GRIK2: variants seen among roughly 807,000 people sequenced by gnomAD.
The protein encoded by GRIK2 is glutamate receptor ionotropic, kainate 2.
In GRIK2, 32 loss-of-function variants were observed where a neutral mutation model predicts 100.3. The ratio of observed to expected loss-of-function variants is 0.32; its 90% CI spans 0.24 to 0.43. GRIK2 has a LOEUF of 0.43. Among genes scored for constraint, GRIK2 ranks in the 20% least tolerant of loss-of-function variants. GRIK2 has a pLI of 1.00. For missense variants in GRIK2, 843 were observed against 1,114.9 expected (o/e 0.76, Z 3.47); for synonymous variants, 417 against 389.4 (o/e 1.07, Z -0.83).
At chr6:101,978,449 T>C (rs1793528923) in intron 14 of GRIK2, among the ~76,000 whole-genome samples, 1 of 151,998 alleles carries the variant, frequency 6.6e-6, no homozygotes, top group Non-Finnish European at 1.5e-5. Flanking sequence ...TGTCAGGCAG[T>C]AACCTCATCA....
At chr6:101,791,820 C>A (rs1445606490) in intron 7 of GRIK2, among the ~76,000 whole-genome samples, 1 of 151,546 alleles carries the variant, frequency 6.6e-6, no homozygotes, top group Non-Finnish European at 1.5e-5. Context: ...TAAAGTCTCC[C>A]ATTATTATTG....
At chr6:101,764,249 T>C (rs78129943) in intron 7 of GRIK2, among the ~76,000 whole-genome samples, 2,655 of 152,272 alleles carry the variant, frequency 0.017, 80 homozygotes, top group African/African-American at 0.061. Context: ...CCCAGGTCCA[T>C]ACCTCTCCTT....
intron 5 of GRIK2, among the ~76,000 whole-genome samples, chr6:101,677,728 C>G (rs1770943663): frequency 6.6e-6 from 1 of 152,044 alleles, no homozygotes; most frequent in Non-Finnish European, 1.5e-5. Flanking sequence ...ATTTAGAAAC[C>G]TCTCATGTAT....
At chr6:101,412,984 A>G (rs1325416361) in intron 2 of GRIK2, among the ~76,000 whole-genome samples, 1 of 152,050 alleles carries the variant, frequency 6.6e-6, no homozygotes, top group African/African-American at 2.4e-5. Flanking sequence ...GGTTTTCCCA[A>G]GGTTCTTTGA....
In GRIK2 at chr6:101,931,719, G is replaced by A. The variant is rs1185566751; in HGVS notation, c.2085+3087G>A. Among the ~76,000 whole-genome samples, 6 of 152,138 alleles carry A rather than the reference G, an allele frequency of 3.9e-5. No homozygotes were observed. The East Asian group carries it at 5.8e-4, about 15-fold the overall frequency. ...GACTCTCCTCAGAGATAAATGTAAA[G>A]CCATGACTGGAAAAAATAATTCAAA... On this transcript the variant is annotated intron_variant, in intron 14 of 16. Coordinates refer to ENST00000369134, the MANE Select transcript of GRIK2 (RefSeq NM_021956.5).
intron 2 of GRIK2, among the ~76,000 whole-genome samples, chr6:101,508,951 C>G (rs1046383310): frequency 6.6e-6 from 1 of 151,806 alleles, no homozygotes; most frequent in Non-Finnish European, 1.5e-5. Context: ...GGCAGGAGAT[C>G]GAGACCATCC....
chr6:101,676,921 T>G (rs1770882958), intron 5 of GRIK2, 117 bp downstream of exon 5: 1 of 586,856 alleles, frequency 1.7e-6, no homozygotes. Flanking sequence ...CTTGATGTAA[T>G]TTTATGATAG....
rs1216238335 is a variant in GRIK2, at chr6:101,965,074, G to A, written c.2085+36442G>A. The stretch of plus-strand genomic sequence containing the variant: ...CCTCTGGATTGAGGCATTTGGGTGT[G>A]GTGTAGAACTGGAAACTGAGTCAAG... On this transcript the variant is annotated intron_variant, in intron 14 of 16. Transcript: ENST00000369134. Among the ~76,000 whole-genome samples, 4 of 152,014 alleles carry A rather than the reference G, an allele frequency of 2.6e-5. No homozygotes were observed. In the South Asian group the frequency reaches 8.3e-4, roughly 32 times the overall value.
chr6:101,612,915 G>A (rs559052822), intron 2 of GRIK2, among the ~76,000 whole-genome samples: 1 of 151,600 alleles, frequency 6.6e-6, no homozygotes, highest in Non-Finnish European at 1.5e-5. Context: ...GGTTGGAAAG[G>A]AAGGTAGAAG....
At chr6:101,837,490 A>G (rs1783206407) in intron 10 of GRIK2, among the ~76,000 whole-genome samples, 1 of 152,174 alleles carries the variant, frequency 6.6e-6, no homozygotes, top group Non-Finnish European at 1.5e-5. Context: ...TATATACCAA[A>G]CATTGTTTCA....
At chr6:101,987,246 A>G (rs972375020) in intron 14 of GRIK2, among the ~76,000 whole-genome samples, 2 of 151,822 alleles carry the variant, frequency 1.3e-5, no homozygotes, top group Admixed American at 6.6e-5. Flanking sequence ...TTTGGGAACA[A>G]TTTTTTGTGT....
rs138471868 is a variant in GRIK2 at position 101,626,254 on chromosome 6, T to C, written c.284-126T>C. 7.1e-4 allele frequency: 606 copies of C among 848,300 alleles called. 4 individuals are homozygous for C. In the African/African-American group the frequency reaches 9.2e-3, roughly 13 times the overall value. 52.5% of individuals were successfully genotyped at this position (848,300 alleles called of 1,614,324 possible). On this transcript the variant is annotated intron_variant, in intron 3 of 16. Transcript: ENST00000369134. The stretch of plus-strand genomic sequence containing the variant: ...ATTTTAAATTAGTGAAAAGTAGATA[T>C]ATATTTTTTAAAAACACAAATCTTT...
intron 2 of GRIK2, among the ~76,000 whole-genome samples, chr6:101,435,509 T>A (rs1002695761): frequency 1.3e-5 from 2 of 152,020 alleles, no homozygotes; most frequent in Admixed American, 1.3e-4. Context: ...TTTTTCATTG[T>A]GGTCCAGAAG....
chr6:101,684,153 C>A (rs1012156100), intron 6 of GRIK2, among the ~76,000 whole-genome samples: 9 of 152,150 alleles, frequency 5.9e-5, no homozygotes, highest in African/African-American at 2.2e-4. Context: ...TAGCAGACAA[C>A]TTTTTGCAGC....
chr6:101,985,420 C>A (rs1158854680), intron 14 of GRIK2, among the ~76,000 whole-genome samples: 1 of 151,562 alleles, frequency 6.6e-6, no homozygotes, highest in African/African-American at 2.4e-5. Flanking sequence ...TCTTATCTTC[C>A]CTGGTGACAT....
At position 101,963,278 on chromosome 6, in the gene GRIK2, ATTTTTTTTTTTTTTTTTTTTT is replaced by A. The variant is rs3029099; in HGVS notation, c.2085+34663_2085+34683del. Among the ~76,000 whole-genome samples the A allele has an allele frequency of 6.2e-3, 172 of 27,844 alleles. 1 individual carries two copies. Among genetic ancestry groups the A allele is most frequent in the African/African-American group, 0.018 (148 of 8,044 alleles). 18.3% of individuals were successfully genotyped at this position (27,844 alleles called of 152,430 possible). ...TATTTCATATTTATACTTATTTAGG[ATTTTTTTTTTTTTTTTTTTTT>A]TTTTTTTTTTTTTTTTGAGATGGAG... On this transcript the variant is annotated intron_variant, in intron 14 of 16. Transcript: ENST00000369134.
chr6:101,671,130 A>C lies in GRIK2; in HGVS notation c.542-5493A>C, dbSNP rs1770402082. On this transcript the variant is annotated intron_variant, in intron 4 of 16. Transcript: ENST00000369134. The stretch of plus-strand genomic sequence containing the variant: ...CATTTATGGAAATAATTTTGTGAGA[A>C]TGATAGAAATTTAAAATGGGAACAA... 6.6e-5 allele frequency among the ~76,000 whole-genome samples: 10 copies of C among 152,282 alleles called. No homozygotes were observed. In the South Asian group the frequency reaches 2.1e-3, roughly 32 times the overall value.
intron 2 of GRIK2, among the ~76,000 whole-genome samples, chr6:101,480,356 T>C (rs1247558949): frequency 6.6e-6 from 1 of 152,146 alleles, no homozygotes; most frequent in Non-Finnish European, 1.5e-5. Flanking sequence ...TATTAAAATA[T>C]CTGTCAGGAT....
chr6:101,767,995 A>G (rs1778142553), intron 7 of GRIK2, among the ~76,000 whole-genome samples: 2 of 152,014 alleles, frequency 1.3e-5, no homozygotes, highest in South Asian at 4.2e-4. Flanking sequence ...AGTAGCTGGG[A>G]CCACAGGCAT....
Sources: gnomAD v4.1 joint callset for allele counts (sites outside exome capture counted in the v4.1 genomes callset) on GRCh38, gnomAD v4.1.1 for gene constraint, MANE v1.5 for transcripts, NCBI Gene and HGNC (gene_info 2026-07-23, HGNC 2026-07-21) for gene names.